STAMBP: variants seen among roughly 807,000 people sequenced by gnomAD.
The protein encoded by STAMBP is STAM binding protein.
In STAMBP, 31 loss-of-function variants were observed where a neutral mutation model predicts 50.7. The ratio of observed to expected loss-of-function variants is 0.61; its 90% CI spans 0.46 to 0.83. The LOEUF is 0.83. STAMBP is among the 40% of genes least tolerant of loss of function. The probability of loss-of-function intolerance (pLI) is 0.00; values close to 1 mark genes in which losing one functional copy is unlikely to be tolerated. For missense variants in STAMBP, 472 were observed against 518.9 expected (o/e 0.91, Z 0.88); for synonymous variants, 211 against 192.4 (o/e 1.10, Z -0.80).
downstream of STAMBP, among the ~76,000 whole-genome samples, chr2:73,869,752 TA>T (rs1157432683): frequency 6.6e-6 from 1 of 151,820 alleles, no homozygotes; most frequent in African/African-American, 2.4e-5. Context: ...AAAATAAAAA[TA>T]AAAAATAAAC....
chr2:73,832,222 G>A (rs1451614881), intron 2 of STAMBP, among the ~76,000 whole-genome samples: 3 of 151,318 alleles, frequency 2.0e-5, no homozygotes, highest in African/African-American at 4.8e-5. Context: ...TGGGAGGCCA[G>A]GGCAGGCGGA....
downstream of STAMBP, among the ~76,000 whole-genome samples, chr2:73,868,814 A>T (rs961937254): frequency 1.3e-5 from 2 of 152,038 alleles, no homozygotes; most frequent in Non-Finnish European, 2.9e-5. Context: ...GGTCAAGGCT[A>T]TAGTGAGCTG....
At chr2:73,846,427 C>T (rs1231560018) in intron 4 of STAMBP, among the ~76,000 whole-genome samples, 1 of 151,362 alleles carries the variant, frequency 6.6e-6, no homozygotes, top group Non-Finnish European at 1.5e-5. Context: ...ATGGTGAAAC[C>T]CCATCTCTAC....
chr2:73,871,926 C>G (rs1337478996), downstream of STAMBP, among the ~76,000 whole-genome samples: 1 of 151,918 alleles, frequency 6.6e-6, no homozygotes, highest in Non-Finnish European at 1.5e-5. Flanking sequence ...CACCACCATG[C>G]CTGGCTAATT....
In STAMBP at chr2:73,847,644, A is replaced by G; in HGVS notation, c.633A>G (p.Leu211=). ...CCTCCTTAGATGTGTTCCCCACCTT[A>G]ACAGTCTCATCCATACAGCCTTCAG... is the stretch of plus-strand genomic sequence containing the variant. The part of the protein sequence containing the change: ...EKPSLDVFPT[L]TVSSIQPSDC... The change falls in exon 5 of 10, where the codon TTA becomes TTG. Residue 211 remains leucine (L), a synonymous_variant. Transcript: ENST00000394070. 1.9e-6 allele frequency: 3 copies of G among 1,614,198 alleles called. No individual in the cohort carries two copies. The highest frequency in any genetic ancestry group is 2.5e-6 in the Non-Finnish European group (3 of 1,180,018).
intron 1 of STAMBP, 101 bp from the exon 2 acceptor site, chr2:73,830,744 C>T: frequency 4.5e-6 from 4 of 880,352 alleles, no homozygotes; most frequent in Non-Finnish European, 6.9e-6. Flanking sequence ...GTATGTTTCT[C>T]TTATATTTTC....
intron 2 of STAMBP, among the ~76,000 whole-genome samples, chr2:73,835,285 C>T (rs1187741494): frequency 8.1e-5 from 12 of 147,460 alleles, no homozygotes; most frequent in African/African-American, 2.8e-4. Flanking sequence ...ACCCGGGAGG[C>T]AGAGGTTTCA....
Position 73,866,682 on chromosome 2 carries a change from G to A in STAMBP, c.*4423G>A, listed in dbSNP as rs1678932340. On this transcript the variant is annotated 3_prime_UTR_variant, in exon 10 of 10. Transcript: ENST00000394070. ...TGAGCTTTCTTTCCAGCCGCCAGGA[G>A]GGATGGTTGTCCTGGCCAACAGCGA... The A allele has an allele frequency of 1.3e-5, 2 of 152,358 alleles. No homozygotes were observed. Among genetic ancestry groups the A allele is most frequent in the South Asian group, 4.1e-4 (2 of 4,828 alleles). 9.4% of individuals were successfully genotyped at this position (152,358 alleles called of 1,614,324 possible).
At chr2:73,839,101 T>A (rs2104356222) in intron 2 of STAMBP, among the ~76,000 whole-genome samples, 1 of 152,350 alleles carries the variant, frequency 6.6e-6, no homozygotes, top group South Asian at 2.1e-4. Flanking sequence ...TGAGAATCAT[T>A]GTTCTAGACC....
At position 73,834,273 on chromosome 2, in the gene STAMBP, ATATATATATATAT is replaced by A. The variant is rs1307262240; in HGVS notation, c.203+3215_203+3227del. 6.7e-4 allele frequency among the ~76,000 whole-genome samples: 74 copies of A among 109,812 alleles called. 1 individual carries two copies. The highest frequency in any genetic ancestry group is 2.6e-3 in the African/African-American group (71 of 27,368). 72.0% of individuals were successfully genotyped at this position (109,812 alleles called of 152,430 possible). ...TATATATATATATATATATATATAT[ATATATATATATAT>A]AAAGTTTTTGACTCCCCAGAAACTT... On this transcript the variant is annotated intron_variant, in intron 2 of 9. Transcript: ENST00000394070.
At position 73,849,462 on chromosome 2, in the gene STAMBP, C is replaced by T. The variant is rs201711262; in HGVS notation, c.842C>T (p.Thr281Ile). Residue 281 changes from threonine (T) to isoleucine (I), a missense_variant, in exon 6 of 10, where the codon ACA (threonine) becomes ATA (isoleucine). Coordinates refer to ENST00000394070, the MANE Select transcript of STAMBP (RefSeq NM_213622.4). ...GCCAACACTGCCCGGGGAGTGGAGA[C>T]ATGTGGAATTCTCTGTGGAAAACTG... The part of the protein sequence containing the change: ...ASANTARGVE[T>I]CGILCGKLMR... The T allele has an allele frequency of 6.2e-7, 1 of 1,607,262 alleles. No homozygotes were observed. Among genetic ancestry groups the T allele is most frequent in the South Asian group, 1.1e-5 (1 of 89,902 alleles).
At position 73,860,043 on chromosome 2, in the gene STAMBP, A is replaced by G; in HGVS notation, c.1119-9A>G. The G allele has an allele frequency of 6.2e-7, 1 of 1,607,080 alleles. No individual in the cohort carries two copies. Among genetic ancestry groups the G allele is most frequent in the Non-Finnish European group, 8.5e-7 (1 of 1,178,616 alleles). On this transcript the variant is annotated splice_polypyrimidine_tract_variant and intron_variant, in intron 8 of 9. Transcript: ENST00000394070. ...GCTTGACTCTTAGCCTGCCTTTTTT[A>G]AATTTCAGAACTGGATTCTTTAAAC...
At chr2:73,843,191 C>CTTTTTTTTTTTTTTTTTTTTTT in intron 2 of STAMBP, among the ~76,000 whole-genome samples, 1 of 129,892 alleles carries the variant, frequency 7.7e-6, no homozygotes, top group Non-Finnish European at 1.6e-5. Context: ...TTATATCTTT[C>CTTTTTTTTTTTTTTTTTTTTTT]TTTTTTTTTT....
Position 73,847,569 on chromosome 2 carries a change from G to C in STAMBP, c.558G>C (p.Gly186=). ...KERLKIVQEF[G]KVDPGLGGPL... is the part of the protein sequence containing the mutation. ...GACTGAAAATTGTACAGGAGTTTGG[G>C]AAGGTAGACCCTGGCCTAGGTGGCC... Residue 186 remains glycine, a synonymous_variant, in exon 5 of 10, where the codon GGG becomes GGC. Coordinates refer to ENST00000394070, the MANE Select transcript of STAMBP (RefSeq NM_213622.4). 1.2e-6 allele frequency: 2 copies of C among 1,614,174 alleles called. No homozygotes were observed. Among genetic ancestry groups the C allele is most frequent in the South Asian group, 2.2e-5 (2 of 91,072 alleles).
chr2:73,833,453 C>A (rs2104176990), intron 2 of STAMBP, among the ~76,000 whole-genome samples: 1 of 152,210 alleles, frequency 6.6e-6, no homozygotes, highest in Middle Eastern at 3.4e-3. Context: ...GTTTTTCATT[C>A]CTAGGCACAC....
intron 9 of STAMBP, 129 bp downstream of exon 9, chr2:73,860,280 A>G (rs1256837351): frequency 6.9e-6 from 5 of 727,352 alleles, no homozygotes; most frequent in Admixed American, 5.6e-5. Flanking sequence ...CCAGATCTCC[A>G]TAATAAGGAC....
At chr2:73,845,069 T>A in intron 3 of STAMBP, 98 bp from the exon 4 acceptor site, 2 of 1,564,642 alleles carry the variant, frequency 1.3e-6, no homozygotes, top group Non-Finnish European at 1.7e-6. Context: ...TTAAATCATT[T>A]TGGGAAATGT....
chr2:73,836,472 C>A (rs1457838962), intron 2 of STAMBP, among the ~76,000 whole-genome samples: 2 of 152,338 alleles, frequency 1.3e-5, no homozygotes, highest in Middle Eastern at 3.4e-3. Context: ...ATTCTGTGGC[C>A]TAGACTTGCT....
intron 7 of STAMBP, among the ~76,000 whole-genome samples, chr2:73,852,197 G>T (rs1346585796): frequency 6.6e-6 from 1 of 152,144 alleles, no homozygotes; most frequent in Non-Finnish European, 1.5e-5. Context: ...GTGTGTTTGG[G>T]AAGGAGGAGA....
Sources: allele counts gnomAD v4.1 joint callset (sites outside exome capture counted in the v4.1 genomes callset), GRCh38; gene constraint gnomAD v4.1.1; transcripts MANE v1.5; gene names NCBI Gene and HGNC (gene_info 2026-07-23, HGNC 2026-07-21).